LRRN4: variants seen among roughly 807,000 people sequenced by gnomAD.
The protein encoded by LRRN4 is leucine rich repeat neuronal 4, also known as leucine-rich repeat neuronal protein 4.
LRRN4 carries 26 observed loss-of-function variants against 22.3 expected under a neutral mutation model. That is an observed-to-expected ratio of 1.16 (90% CI 0.85 to 1.62). The LOEUF is 1.62. Ranked by LOEUF, LRRN4 falls within the 40% of genes most tolerant of loss-of-function variation. The pLI, the probability that LRRN4 is intolerant of heterozygous loss-of-function variation, is 0.00. For missense variants in LRRN4, 1,070 were observed against 1,008.5 expected (o/e 1.06, Z -0.83); for synonymous variants, 496 against 486.2 (o/e 1.02, Z -0.26).
chr20:6,047,384 G>A (rs777835264), intron 3 of LRRN4, among the ~76,000 whole-genome samples: 1 of 150,128 alleles, frequency 6.7e-6, no homozygotes, highest in African/African-American at 2.4e-5. Context: ...AGACTTACTG[G>A]TAGATTTTGT....
intron 2 of LRRN4, among the ~76,000 whole-genome samples, chr20:6,051,866 G>A (rs543223447): frequency 4.6e-5 from 7 of 152,346 alleles, no homozygotes; most frequent in African/African-American, 1.7e-4. Flanking sequence ...TTTGCTTAAT[G>A]TGTGACCAAG....
At chr20:6,043,555 G>A (rs1981022848) in intron 4 of LRRN4, among the ~76,000 whole-genome samples, 1 of 152,186 alleles carries the variant, frequency 6.6e-6, no homozygotes, top group Non-Finnish European at 1.5e-5. Flanking sequence ...TGGAGGGAAT[G>A]TGGGGTTGGG....
At chr20:6,047,425 T>TACAC (rs57188958) in intron 3 of LRRN4, among the ~76,000 whole-genome samples, 1,447 of 128,418 alleles carry the variant, frequency 0.011, 17 homozygotes, top group East Asian at 0.018. Flanking sequence ...CAGACACACA[T>TACAC]ACACACACAC....
At chr20:6,051,044 C>A in intron 2 of LRRN4, 61 bp from the exon 3 acceptor site, 2 of 1,469,438 alleles carry the variant, frequency 1.4e-6, no homozygotes, top group Non-Finnish European at 1.9e-6. Flanking sequence ...GAGGCCAGCA[C>A]GGCATGAAGG....
At chr20:6,050,560 C>T (rs1383857891) in intron 3 of LRRN4, among the ~76,000 whole-genome samples, 3 of 152,208 alleles carry the variant, frequency 2.0e-5, no homozygotes, top group African/African-American at 7.2e-5. Context: ...CGTTCTAATG[C>T]TACTCTGAAC....
intron 3 of LRRN4, among the ~76,000 whole-genome samples, chr20:6,048,765 C>G (rs1226555394): frequency 2.0e-5 from 3 of 152,122 alleles, no homozygotes; most frequent in Non-Finnish European, 4.4e-5. Context: ...TGGGGCTCAT[C>G]AGAAGGCCTT....
Position 6,041,459 on chromosome 20 carries a change from C to G in LRRN4, c.1786G>C (p.Ala596Pro). The G allele has an allele frequency of 6.4e-7, 1 of 1,555,072 alleles. No homozygotes were observed. The highest frequency in any genetic ancestry group is 8.7e-7 in the Non-Finnish European group (1 of 1,149,078). The stretch of plus-strand genomic sequence containing the variant: ...TTGGGGGCACACCAGTGGACCAGCG[C>G]CGACGTGTCCGTGGTCTCCGTCACC... ...QGVTETTDTSALVHWCAPNSV... is the reference protein window; with the variant it reads ...QGVTETTDTSPLVHWCAPNSV... Residue 596 changes from alanine to proline, a missense_variant, in exon 5 of 5, where the codon GCG (alanine) becomes CCG (proline). By Grantham distance (27) the Ala-to-Pro change is conservative. Transcript: ENST00000378858. The surrounding 1 kb of genome is among the most constrained non-coding windows in gnomAD (Gnocchi z 9.4).
At chr20:6,043,215 C>A (rs1429924633) in intron 4 of LRRN4, among the ~76,000 whole-genome samples, 2 of 152,002 alleles carry the variant, frequency 1.3e-5, no homozygotes, top group Admixed American at 1.3e-4. Flanking sequence ...TGGAGACCAT[C>A]CTGGTCAACA....
rs1205510701 is a variant in LRRN4 at position 6,052,127 on chromosome 20, C to G, written c.655+18G>C. Reference sequence around the variant, plus strand: ...TCTGCGCTCAGGCCGGCTGAAAACGCGGGGCGCCCGGACTCACCCCGTTCA... The same window carrying G: ...TCTGCGCTCAGGCCGGCTGAAAACGGGGGGCGCCCGGACTCACCCCGTTCA... On this transcript the variant is annotated intron_variant, in intron 2 of 4. Coordinates refer to ENST00000378858, the MANE Select transcript of LRRN4 (RefSeq NM_152611.5). The G allele has an allele frequency of 3.8e-6, 6 of 1,576,072 alleles. No individual in the cohort carries two copies. The highest frequency in any genetic ancestry group is 5.2e-6 in the Non-Finnish European group (6 of 1,161,950).
rs902800166 is a variant in LRRN4 at position 6,044,447 on chromosome 20, C to G, written c.998+96G>C. The G allele has an allele frequency of 7.2e-6, 9 of 1,246,488 alleles. No individual in the cohort carries two copies. In the African/African-American group the frequency reaches 1.2e-4, roughly 17 times the overall value. 77.2% of individuals were successfully genotyped at this position (1,246,488 alleles called of 1,614,324 possible). ...TGCCCAGCCCAACATGGCCAAAGTG[C>G]CAAGCATGGTCACATGAGCAAGATG... On this transcript the variant is annotated intron_variant, in intron 4 of 4. Coordinates refer to ENST00000378858, the MANE Select transcript of LRRN4 (RefSeq NM_152611.5).
In LRRN4 at chr20:6,041,383, C is replaced by T. The variant is rs770249793; in HGVS notation, c.1862G>A (p.Gly621Glu). ...QIRYSAEGWA[G>E]NQSVVGVIYA... ...GATGACCCCCACCACCGACTGGTTCCCCGCCCAGCCCTCCGCAGAGTAGCG... is the reference window on the plus strand; with the variant it reads ...GATGACCCCCACCACCGACTGGTTCTCCGCCCAGCCCTCCGCAGAGTAGCG... The change falls in exon 5 of 5, where the codon GGG becomes GAG. Residue 621 changes from glycine (G) to glutamate (E), a missense_variant. Physicochemically the swap from Gly to Glu is moderately conservative, Grantham distance 98. Coordinates refer to ENST00000378858, the MANE Select transcript of LRRN4 (RefSeq NM_152611.5). The surrounding 1 kb of genome is among the most constrained non-coding windows in gnomAD (Gnocchi z 9.4). 1 of 1,582,152 alleles carries T rather than the reference C, an allele frequency of 6.3e-7. No homozygotes were observed. Among genetic ancestry groups the T allele is most frequent in the East Asian group, 2.2e-5 (1 of 44,550 alleles).
chr20:6,052,549 T>C lies in LRRN4; in HGVS notation c.251A>G (p.His84Arg). The C allele has an allele frequency of 4.4e-6, 7 of 1,582,604 alleles. No homozygotes were observed. The highest frequency in any genetic ancestry group is 1.8e-5 in the Admixed American group (1 of 56,412). ...AGTGCTCAGGGCGCGCAGCAGGTTG[T>C]GGCTGGCGTCGAGGCTGCGCAGTGT... is the stretch of plus-strand genomic sequence containing the variant. ...PRTLRSLDAS[H>R]NLLRALSTSE... Residue 84 changes from histidine to arginine, a missense_variant, in exon 2 of 5, where the codon CAC becomes CGC. Coordinates refer to ENST00000378858, the MANE Select transcript of LRRN4 (RefSeq NM_152611.5).
In LRRN4 at chr20:6,052,336, C is replaced by G; in HGVS notation, c.464G>C (p.Gly155Ala). The change falls in exon 2 of 5, where the codon GGG becomes GCG. Residue 155 changes from glycine to alanine, a missense_variant. Coordinates refer to ENST00000378858, the MANE Select transcript of LRRN4 (RefSeq NM_152611.5). ...GGGCTGCAGCGCCCGCAGCGGATTCCCGGCGAGCGCCAGGGCGCGGAGGCT... is the reference window on the plus strand; with the variant it reads ...GGGCTGCAGCGCCCGCAGCGGATTCGCGGCGAGCGCCAGGGCGCGGAGGCT... ...LSSLRALALA[G>A]NPLRALQPRA... 1 of 1,508,252 alleles carries G rather than the reference C, an allele frequency of 6.6e-7. No homozygotes were observed. 93.4% of individuals were successfully genotyped at this position (1,508,252 alleles called of 1,614,324 possible).
Position 6,040,892 on chromosome 20 carries a change from T to G in LRRN4, c.*130A>C, listed in dbSNP as rs1980904782. The G allele has an allele frequency of 4.0e-6, 5 of 1,262,450 alleles. No homozygotes were observed. Among genetic ancestry groups the G allele is most frequent in the Admixed American group, 4.8e-5 (2 of 41,240 alleles). The allele number at this position is 1,262,450 out of a possible 1,614,324, so 78.2% of individuals were successfully genotyped here. On this transcript the variant is annotated 3_prime_UTR_variant, in exon 5 of 5. Coordinates refer to ENST00000378858, the MANE Select transcript of LRRN4 (RefSeq NM_152611.5). The stretch of plus-strand genomic sequence containing the variant: ...GACACTCAGTGTGGCAAGTTCCATG[T>G]GTGCTCAAGGCATTCTGGCTTCACG...
chr20:6,052,479 G>A lies in LRRN4; in HGVS notation c.321C>T (p.Arg107=). ...HLEQLQVLTL[R]HNRIAALRWG... ...AGCGCAGCGCGGCGATGCGGTTGTG[G>A]CGCAGGGTCAGCACCTGCAGCTGCT... Residue 107 remains arginine (R), a synonymous_variant, in exon 2 of 5, where the codon CGC becomes CGT. Transcript: ENST00000378858. 1 of 1,571,136 alleles carries A rather than the reference G, an allele frequency of 6.4e-7. No homozygotes were observed. Among genetic ancestry groups the A allele is most frequent in the Non-Finnish European group, 8.6e-7 (1 of 1,167,412 alleles).
Position 6,044,578 on chromosome 20 carries a change from C to T in LRRN4, c.963G>A (p.Trp321Ter). The T allele has an allele frequency of 6.3e-7, 1 of 1,590,902 alleles. No individual in the cohort carries two copies. Among genetic ancestry groups the T allele is most frequent in the Non-Finnish European group, 8.6e-7 (1 of 1,168,802 alleles). The change falls in exon 4 of 5, where the codon TGG becomes TGA. Residue 321 changes from tryptophan to a stop codon, truncating the protein, a stop_gained. Coordinates refer to ENST00000378858, the MANE Select transcript of LRRN4 (RefSeq NM_152611.5). LOFTEE classifies it low-confidence loss of function (END_TRUNC). ...NPLTCSCDLS[W>*]LLTDAKRTVL... ...CAGTTCTCTTTGCATCCGTGAGGAG[C>T]CAAGACAAGTCACAACTGCAAGTGA...
chr20:6,042,547 G>A (rs1980995568), intron 4 of LRRN4, among the ~76,000 whole-genome samples: 1 of 152,196 alleles, frequency 6.6e-6, no homozygotes, highest in Non-Finnish European at 1.5e-5. Context: ...CAAGCACTGA[G>A]AAGGAGTCCA....
chr20:6,047,036 C>G (rs180697102), intron 3 of LRRN4, among the ~76,000 whole-genome samples: 7 of 152,080 alleles, frequency 4.6e-5, no homozygotes, highest in Admixed American at 4.6e-4. Flanking sequence ...ACTATGACGA[C>G]TTAGTGAGGT....
In LRRN4 at chr20:6,042,018, G is replaced by T. The variant is rs199762584; in HGVS notation, c.1227C>A (p.Ala409=). 1 of 1,613,886 alleles carries T rather than the reference G, an allele frequency of 6.2e-7. No homozygotes were observed. The highest frequency in any genetic ancestry group is 1.3e-5 in the African/African-American group (1 of 74,938). ...CTATCGTGCGAGAGCCCACGTTAGG[G>T]GCCTTGGAGACACTCTGCTGGTCTC... ...PAGDQQSVSK[A]PNVGSRTIAA... Residue 409 remains alanine, a synonymous_variant, in exon 5 of 5, where the codon GCC becomes GCA. Transcript: ENST00000378858.
Sources: allele counts gnomAD v4.1 joint callset (sites outside exome capture counted in the v4.1 genomes callset), GRCh38; gene constraint gnomAD v4.1.1; non-coding constraint Gnocchi (gnomAD v3.1); transcripts MANE v1.5; gene names NCBI Gene and HGNC (gene_info 2026-07-23, HGNC 2026-07-21).